The following ADAMTS9 variants were observed in gnomAD, a reference collection of about 807,000 sequenced individuals.
The protein encoded by ADAMTS9 is ADAM metallopeptidase with thrombospondin type 1 motif 9, also known as A disintegrin and metalloproteinase with thrombospondin motifs 9.
A neutral mutation model predicts 257.1 loss-of-function variants in ADAMTS9; 107 were observed. That is an observed-to-expected ratio of 0.42 (90% CI 0.36 to 0.49). ADAMTS9 has a LOEUF of 0.49. ADAMTS9 is among the 20% of genes least tolerant of loss of function. The pLI, the probability that ADAMTS9 is intolerant of heterozygous loss-of-function variation, is 0.03. For synonymous variants in ADAMTS9, 982 were observed against 880.9 expected (o/e 1.11, Z -2.03); for missense variants, 2,353 against 2,469.1 (o/e 0.95, Z 1.00).
chr3:64,594,462 T>C (rs759893337), intron 27 of ADAMTS9, 28 bp from the exon 28 acceptor site: 7 of 1,599,010 alleles, frequency 4.4e-6, no homozygotes, highest in Non-Finnish European at 6.0e-6. Flanking sequence ...AAGGCTGCAG[T>C]TATTTTGTCT....
chr3:64,685,807 C>A (rs1701889042), intron 2 of ADAMTS9, among the ~76,000 whole-genome samples: 1 of 152,140 alleles, frequency 6.6e-6, no homozygotes, highest in Non-Finnish European at 1.5e-5. Context: ...GAACCGAAAT[C>A]ACGTCCGGAC....
intron 32 of ADAMTS9, among the ~76,000 whole-genome samples, chr3:64,542,387 G>C (rs9311892): frequency 0.92 from 138,492 of 150,766 alleles, 64,207 homozygotes; most frequent in East Asian, 1. Context: ...CTGCTTCCAA[G>C]TCGTTATACA....
intron 12 of ADAMTS9, among the ~76,000 whole-genome samples, chr3:64,639,736 TTCA>T (rs1205567944): frequency 8.5e-5 from 13 of 152,188 alleles, no homozygotes; most frequent in African/African-American, 2.7e-4. Context: ...ATGTAAAAAA[TTCA>T]TCATATTAGT....
chr3:64,561,796 T>C, intron 29 of ADAMTS9, 45 bp from the exon 30 acceptor site: 2 of 1,367,520 alleles, frequency 1.5e-6, no homozygotes, highest in Non-Finnish European at 2.0e-6. Flanking sequence ...CTCATTTATT[T>C]TTTGGGGGGG....
At chr3:64,563,629 A>G (rs2083467966) in intron 29 of ADAMTS9, among the ~76,000 whole-genome samples, 1 of 152,234 alleles carries the variant, frequency 6.6e-6, no homozygotes, top group Non-Finnish European at 1.5e-5. Flanking sequence ...TAAGTATCCA[A>G]CATTTAAAAA....
intron 32 of ADAMTS9, among the ~76,000 whole-genome samples, chr3:64,542,777 G>A (rs1216019684): frequency 9.9e-5 from 15 of 152,134 alleles, no homozygotes; most frequent in East Asian, 1.9e-4. Flanking sequence ...GAGCAGAACT[G>A]AAGGAGATAG....
At chr3:64,661,148 G>C (rs1421098198) in intron 3 of ADAMTS9, among the ~76,000 whole-genome samples, 1 of 152,180 alleles carries the variant, frequency 6.6e-6, no homozygotes, top group Admixed American at 6.5e-5. Context: ...TGTCAAACAA[G>C]TTTTATGCAG....
chr3:64,612,720 A>G (rs2084688978), intron 22 of ADAMTS9, among the ~76,000 whole-genome samples: 1 of 152,162 alleles, frequency 6.6e-6, no homozygotes, highest in Non-Finnish European at 1.5e-5. Flanking sequence ...ATTAGGAAGG[A>G]CTTAATTCCG....
chr3:64,547,349 GGA>G (rs2083214336), intron 31 of ADAMTS9, among the ~76,000 whole-genome samples: 2 of 21,886 alleles, frequency 9.1e-5, no homozygotes, highest in South Asian at 0.017. Context: ...GAAGGGAAGA[GGA>G]GACAGCAGCA....
intron 2 of ADAMTS9, chr3:64,685,393 G>A (rs1701873868): frequency 6.6e-6 from 1 of 152,404 alleles, no homozygotes; most frequent in Admixed American, 6.5e-5. Context: ...GGGTGCTTCG[G>A]GAAGAATAAA....
intron 3 of ADAMTS9, among the ~76,000 whole-genome samples, chr3:64,669,184 A>G (rs565001652): frequency 6.6e-6 from 1 of 152,028 alleles, no homozygotes; most frequent in Non-Finnish European, 1.5e-5. Context: ...TGTACACTCA[A>G]CTCTCGATAT....
intron 37 of ADAMTS9, among the ~76,000 whole-genome samples, chr3:64,537,708 G>A (rs2083068610): frequency 6.6e-6 from 1 of 152,182 alleles, no homozygotes; most frequent in African/African-American, 2.4e-5. Flanking sequence ...CCAGTCTTCA[G>A]ACTTTTGAAG....
intron 25 of ADAMTS9, 141 bp downstream of exon 25, chr3:64,603,781 A>AT: frequency 1.0e-6 from 1 of 983,662 alleles, no homozygotes; most frequent in Non-Finnish European, 1.5e-6. Flanking sequence ...TAAGTGGAGC[A>AT]GCACAATTTA....
chr3:64,614,888 T>A (rs1395658286), intron 21 of ADAMTS9: 1 of 153,832 alleles, frequency 6.5e-6, no homozygotes, highest in Admixed American at 6.6e-5. Context: ...GTTGGATGGG[T>A]AAGTCAGAGA....
chr3:64,679,277 TTCTGCCCCCTCTC>T (rs1193887481), intron 3 of ADAMTS9, among the ~76,000 whole-genome samples: 1 of 152,192 alleles, frequency 6.6e-6, no homozygotes, highest in African/African-American at 2.4e-5. Flanking sequence ...GACTTTCTCT[TTCTGCCCCCTCTC>T]TCTTTTCCAC....
At chr3:64,575,087 T>C (rs998498928) in intron 28 of ADAMTS9, among the ~76,000 whole-genome samples, 25 of 152,314 alleles carry the variant, frequency 1.6e-4, no homozygotes, top group African/African-American at 5.8e-4. Context: ...TTTCAGGGTT[T>C]ATTAACTCGT....
chr3:64,615,431 T>C lies in ADAMTS9; in HGVS notation c.3079A>G (p.Thr1027Ala), dbSNP rs771245101. Residue 1027 changes from threonine to alanine, a missense_variant, in exon 21 of 40, where the codon ACC (threonine) becomes GCC (alanine). This residue lies in a region of ADAMTS9 where 1,402 missense variants were observed against 1,441.4 expected (regional missense o/e 0.97). Transcript: ENST00000498707. ...TQRRRAICVNTRNDVLDDSKC... is the reference protein window; with the variant it reads ...TQRRRAICVNARNDVLDDSKC... ...CTGTCATCCAGTACATCATTTCGGG[T>C]ATTGACACAAATAGCCCTTCTCCTC... 1 of 1,614,026 alleles carries C rather than the reference T, an allele frequency of 6.2e-7. No homozygotes were observed. Among genetic ancestry groups the C allele is most frequent in the East Asian group, 2.2e-5 (1 of 44,862 alleles).
intron 3 of ADAMTS9, among the ~76,000 whole-genome samples, chr3:64,672,008 C>G (rs1427319824): frequency 6.6e-6 from 1 of 152,152 alleles, no homozygotes; most frequent in Non-Finnish European, 1.5e-5. Context: ...TGAAGAAACT[C>G]AAGAAACTTT....
chr3:64,619,734 G>A (rs973117522), intron 19 of ADAMTS9, among the ~76,000 whole-genome samples: 3 of 152,102 alleles, frequency 2.0e-5, no homozygotes, highest in Middle Eastern at 3.2e-3. Flanking sequence ...CCATTACAGA[G>A]TACTGGGGAA....
Sources: allele counts gnomAD v4.1 joint callset (sites outside exome capture counted in the v4.1 genomes callset), GRCh38; gene constraint gnomAD v4.1.1; regional missense constraint gnomAD v4.1.1; transcripts MANE v1.5; gene names NCBI Gene and HGNC (gene_info 2026-07-23, HGNC 2026-07-21).